The following CERS6 variants were observed in gnomAD, a reference collection of about 807,000 sequenced individuals.
The protein encoded by CERS6 is LAG1 homolog, ceramide synthase 6.
In CERS6, 26 loss-of-function variants were observed where a neutral mutation model predicts 56.8. The observed-to-expected ratio is 0.46, with a 90% CI of 0.34 to 0.63. CERS6 has a LOEUF of 0.63. Ranked by LOEUF, CERS6 falls within the 30% of genes least tolerant of loss-of-function variation. CERS6 has a pLI of 0.01. For synonymous variants in CERS6, 164 were observed against 173.3 expected, an observed-to-expected ratio of 0.95 and a Z score of 0.42; for missense variants, 415 against 467.5, an observed-to-expected ratio of 0.89 and a Z score of 1.04.
intron 3 of CERS6, among the ~76,000 whole-genome samples, chr2:168,629,345 G>C (rs1684659772): frequency 6.6e-6 from 1 of 151,992 alleles, no homozygotes; most frequent in Non-Finnish European, 1.5e-5. Flanking sequence ...TTGCCTCCAG[G>C]GGCCAGACAA....
At position 168,596,555 on chromosome 2, in the gene CERS6, C is replaced by CCT. The variant is rs766580344; in HGVS notation, c.408-34430_408-34429insCT. Among the ~76,000 whole-genome samples, 84 of 114,834 alleles carry CCT rather than the reference C, an allele frequency of 7.3e-4. 1 individual carries two copies. The highest frequency in any genetic ancestry group is 2.6e-3 in the African/African-American group (63 of 24,312). 75.3% of individuals were successfully genotyped at this position (114,834 alleles called of 152,430 possible). A position where few individuals can be genotyped will look rare whatever the true frequency, so the allele number is the denominator to read the frequency against. ...TTGTTTCAGGGCCCCATCCCCCCCC[C>CCT]TTTTTTTTTTTTTTTTGAGACTGAG... On this transcript the variant is annotated intron_variant, in intron 3 of 9. Transcript: ENST00000305747.
At chr2:168,642,572 A>T (rs1282884823) in intron 4 of CERS6, among the ~76,000 whole-genome samples, 4 of 152,212 alleles carry the variant, frequency 2.6e-5, no homozygotes, top group East Asian at 3.8e-4. Context: ...CAATGTTAAC[A>T]GAGTAATCAG....
At chr2:168,613,136 T>C (rs183863263) in intron 3 of CERS6, among the ~76,000 whole-genome samples, 26 of 152,216 alleles carry the variant, frequency 1.7e-4, no homozygotes, top group Admixed American at 3.9e-4. Flanking sequence ...ACCTGGGACA[T>C]TGAGTGAATA....
chr2:168,477,223 C>T (rs1694094574), intron 1 of CERS6, among the ~76,000 whole-genome samples: 2 of 135,164 alleles, frequency 1.5e-5, no homozygotes, highest in Non-Finnish European at 3.1e-5. Flanking sequence ...GAGAGAGTCT[C>T]ATAGGGCACT....
chr2:168,694,252 C>T (rs1245800676), intron 5 of CERS6, among the ~76,000 whole-genome samples: 1 of 152,054 alleles, frequency 6.6e-6, no homozygotes. Flanking sequence ...CTCTGAGCCT[C>T]CCCCCGACCC....
chr2:168,464,012 A>C (rs576629416), intron 1 of CERS6, among the ~76,000 whole-genome samples: 2 of 152,266 alleles, frequency 1.3e-5, no homozygotes, highest in Admixed American at 1.3e-4. Flanking sequence ...AATAATTGGT[A>C]TTTAATTTTC....
chr2:168,671,790 T>G (rs751153167), intron 4 of CERS6, among the ~76,000 whole-genome samples: 5 of 152,214 alleles, frequency 3.3e-5, no homozygotes, highest in Non-Finnish European at 7.3e-5. Flanking sequence ...TTCACCCAGC[T>G]TATATTATAA....
chr2:168,626,708 G>A (rs569358246), intron 3 of CERS6, among the ~76,000 whole-genome samples: 1 of 152,320 alleles, frequency 6.6e-6, no homozygotes, highest in South Asian at 2.1e-4. Context: ...TTGTGTCCCA[G>A]TTTTTCCATT....
At chr2:168,665,276 C>A (rs1685729262) in intron 4 of CERS6, among the ~76,000 whole-genome samples, 2 of 151,932 alleles carry the variant, frequency 1.3e-5, no homozygotes, top group Admixed American at 1.3e-4. Flanking sequence ...TCCCATGATA[C>A]TAGCTTCTGC....
chr2:168,534,808 A>G (rs1695230915), intron 1 of CERS6, among the ~76,000 whole-genome samples: 1 of 152,178 alleles, frequency 6.6e-6, no homozygotes, highest in African/African-American at 2.4e-5. Flanking sequence ...GGCTGCCCAG[A>G]TTCCTCAGAA....
intron 4 of CERS6, among the ~76,000 whole-genome samples, chr2:168,688,609 T>C (rs1686417732): frequency 6.6e-6 from 1 of 152,054 alleles, no homozygotes; most frequent in African/African-American, 2.4e-5. Context: ...CCTAGAAAAA[T>C]GTACTGTGCA....
chr2:168,735,895 A>AAG (rs1553514693), intron 8 of CERS6, among the ~76,000 whole-genome samples: 18 of 151,050 alleles, frequency 1.2e-4, no homozygotes, highest in African/African-American at 2.9e-4. Flanking sequence ...AAAAAAAAAA[A>AAG]AAAGAAAGAA....
At chr2:168,700,575 TCC>T (rs1686782135) in intron 6 of CERS6, among the ~76,000 whole-genome samples, 14 of 152,308 alleles carry the variant, frequency 9.2e-5, no homozygotes, top group Admixed American at 8.5e-4. Context: ...TAAGTAAAAG[TCC>T]TTATTTTTGT....
intron 1 of CERS6, among the ~76,000 whole-genome samples, chr2:168,526,602 A>G (rs561122404): frequency 1.3e-5 from 2 of 152,348 alleles, no homozygotes; most frequent in South Asian, 4.1e-4. Flanking sequence ...TGACTCAGGG[A>G]GGTAAACTAA....
At chr2:168,520,970 C>A (rs548766149) in intron 1 of CERS6, among the ~76,000 whole-genome samples, 38 of 152,204 alleles carry the variant, frequency 2.5e-4, no homozygotes, top group Admixed American at 8.5e-4. Context: ...TCTTCTCCTC[C>A]CTGCAACATT....
chr2:168,592,795 A>C (rs948769731), intron 3 of CERS6, among the ~76,000 whole-genome samples: 1 of 152,216 alleles, frequency 6.6e-6, no homozygotes. Flanking sequence ...GCTTCATGAA[A>C]GTGGCCCTTT....
chr2:168,457,401 C>T (rs759404647), intron 1 of CERS6, among the ~76,000 whole-genome samples: 9 of 152,088 alleles, frequency 5.9e-5, no homozygotes, highest in Non-Finnish European at 8.8e-5. Flanking sequence ...TTGTATAGTT[C>T]CTCGGTTTGG....
chr2:168,522,151 G>A (rs745915130), intron 1 of CERS6, among the ~76,000 whole-genome samples: 4 of 152,146 alleles, frequency 2.6e-5, no homozygotes, highest in Non-Finnish European at 4.4e-5. Context: ...TAGTTTTATA[G>A]CATTGGTCTT....
intron 3 of CERS6, among the ~76,000 whole-genome samples, chr2:168,567,720 G>A (rs914929885): frequency 3.9e-5 from 6 of 152,128 alleles, no homozygotes; most frequent in African/African-American, 1.4e-4. Flanking sequence ...CTAGTGCTAG[G>A]CACAGTCATC....
Sources: gnomAD v4.1 joint callset for allele counts (sites outside exome capture counted in the v4.1 genomes callset) on GRCh38, gnomAD v4.1.1 for gene constraint, MANE v1.5 for transcripts, NCBI Gene and HGNC (gene_info 2026-07-23, HGNC 2026-07-21) for gene names.